Variants in DLC1 observed in about 807,000 individuals in gnomAD.
The protein encoded by DLC1 is rho GTPase-activating protein 7.
Under a neutral mutation model 140.3 loss-of-function variants are expected in DLC1, and 54 were observed. The observed-to-expected ratio is 0.38, with a 90% CI of 0.31 to 0.48. DLC1 has a LOEUF of 0.48. Ranked by LOEUF, DLC1 falls within the 20% of genes least tolerant of loss-of-function variation. The pLI, the probability that DLC1 is intolerant of heterozygous loss-of-function variation, is 0.96. For missense variants in DLC1, 2,536 were observed against 1,907.0 expected (o/e 1.33, Z -6.14); for synonymous variants, 986 against 728.1 (o/e 1.35, Z -5.70).
intron 2 of DLC1, among the ~76,000 whole-genome samples, chr8:13,444,246 A>G (rs1162385875): frequency 6.6e-6 from 1 of 152,156 alleles, no homozygotes; most frequent in Admixed American, 6.5e-5. Flanking sequence ...TGGGAGTTGA[A>G]CAATGAGAAC....
At chr8:13,571,383 G>C (rs576012063) in intron 1 of DLC1, among the ~76,000 whole-genome samples, 31 of 151,982 alleles carry the variant, frequency 2.0e-4, no homozygotes, top group Non-Finnish European at 3.8e-4. Context: ...CTCTCCCCCT[G>C]GTACCTGGTC....
chr8:13,260,678 G>A (rs984224866), intron 5 of DLC1, among the ~76,000 whole-genome samples: 6 of 152,164 alleles, frequency 3.9e-5, no homozygotes, highest in Non-Finnish European at 8.8e-5. Context: ...AAGGATAAAA[G>A]TGTAACTATT....
intron 5 of DLC1, among the ~76,000 whole-genome samples, chr8:13,230,026 C>T (rs1252628701): frequency 3.3e-5 from 5 of 152,190 alleles, no homozygotes; most frequent in Admixed American, 6.5e-5. Flanking sequence ...GCTTTGATCT[C>T]TTCTGTGGTA....
intron 1 of DLC1, among the ~76,000 whole-genome samples, chr8:13,535,503 A>G (rs575848687): frequency 5.5e-4 from 84 of 152,104 alleles, no homozygotes; most frequent in African/African-American, 2.0e-3. Flanking sequence ...AAATGTTGAC[A>G]AGGGCAAATT....
chr8:13,089,032 G>C (rs1817812083), intron 15 of DLC1, among the ~76,000 whole-genome samples: 1 of 152,106 alleles, frequency 6.6e-6, no homozygotes. Context: ...GCCGAGGCGG[G>C]TGGATCATCT....
At chr8:13,215,649 C>G (rs1315268896) in intron 5 of DLC1, among the ~76,000 whole-genome samples, 1 of 151,944 alleles carries the variant, frequency 6.6e-6, no homozygotes, top group African/African-American at 2.4e-5. Context: ...GTACATCCTA[C>G]TAGGGAAGCA....
At chr8:13,587,581 A>ATATATATATATATACATTGCATATATAT (rs1760027374) in intron 1 of DLC1, among the ~76,000 whole-genome samples, 2 of 132,076 alleles carry the variant, frequency 1.5e-5, no homozygotes, top group Non-Finnish European at 3.1e-5. Flanking sequence ...AGAGAGAGAA[A>ATATATATATATATACATTGCATATATAT]ATATATATAT....
At chr8:13,366,087 G>C (rs2117096080) in intron 4 of DLC1, among the ~76,000 whole-genome samples, 1 of 152,344 alleles carries the variant, frequency 6.6e-6, no homozygotes, top group Non-Finnish European at 1.5e-5. Context: ...AACAAGTGCT[G>C]CATAAAGACC....
At chr8:13,571,399 G>A (rs1027092563) in intron 1 of DLC1, among the ~76,000 whole-genome samples, 1 of 152,100 alleles carries the variant, frequency 6.6e-6, no homozygotes, top group Non-Finnish European at 1.5e-5. Flanking sequence ...TGGTCACCTC[G>A]AATGTACTTT....
At chr8:13,552,250 C>T in intron 1 of DLC1, among the ~76,000 whole-genome samples, 1 of 145,752 alleles carries the variant, frequency 6.9e-6, no homozygotes, top group African/African-American at 2.5e-5. Flanking sequence ...TACCCCCATA[C>T]CTGTCTACAT....
chr8:13,523,813 A>T lies in DLC1; in HGVS notation c.-125-23617T>A, dbSNP rs896805757. Among the ~76,000 whole-genome samples the T allele has an allele frequency of 2.0e-5, 3 of 152,130 alleles. No individual in the cohort carries two copies. In the East Asian group the frequency reaches 5.8e-4, roughly 29 times the overall value. Reference sequence around the variant, plus strand: ...TCTGGGACCGTGAGATGCTTTTATTAGGATGGAAGAATAACAGTATATTTG... The same window carrying T: ...TCTGGGACCGTGAGATGCTTTTATTTGGATGGAAGAATAACAGTATATTTG... On this transcript the variant is annotated intron_variant, in intron 1 of 1. Coordinates refer to the DLC1 transcript ENST00000631382.
chr8:13,300,306 T>C (rs192161553), intron 5 of DLC1, among the ~76,000 whole-genome samples: 1 of 151,946 alleles, frequency 6.6e-6, no homozygotes, highest in Admixed American at 6.6e-5. Context: ...GGGAGAACAT[T>C]AGAGAAAAGA....
intron 2 of DLC1, among the ~76,000 whole-genome samples, chr8:13,471,774 G>A (rs1800220965): frequency 6.6e-6 from 1 of 152,114 alleles, no homozygotes; most frequent in Non-Finnish European, 1.5e-5. Flanking sequence ...AAGAAAAGCA[G>A]CCTTTCAGCA....
intron 4 of DLC1, among the ~76,000 whole-genome samples, chr8:13,385,191 A>C (rs1412303981): frequency 1.3e-5 from 2 of 152,140 alleles, no homozygotes; most frequent in Non-Finnish European, 2.9e-5. Context: ...AATTTGGTAA[A>C]TGCTTATCTA....
chr8:13,362,565 C>T (rs545410550), intron 4 of DLC1, among the ~76,000 whole-genome samples: 14 of 151,832 alleles, frequency 9.2e-5, no homozygotes, highest in African/African-American at 3.4e-4. Context: ...CTGTTTCTTG[C>T]AATTCATAAT....
chr8:13,288,174 G>T (rs1216113198), intron 5 of DLC1, among the ~76,000 whole-genome samples: 1 of 152,126 alleles, frequency 6.6e-6, no homozygotes, highest in Non-Finnish European at 1.5e-5. Flanking sequence ...TTAAAAGTTT[G>T]TTGTCAATAG....
At chr8:13,361,018 C>G (rs950768358) in intron 4 of DLC1, among the ~76,000 whole-genome samples, 1 of 151,906 alleles carries the variant, frequency 6.6e-6, no homozygotes. Flanking sequence ...AATGTTTGAG[C>G]TCAGGAGTTC....
At chr8:13,212,686 A>G (rs1271660933) in intron 5 of DLC1, among the ~76,000 whole-genome samples, 1 of 152,160 alleles carries the variant, frequency 6.6e-6, no homozygotes, top group African/African-American at 2.4e-5. Flanking sequence ...AGTATTATTG[A>G]CGGTGCTTGT....
chr8:13,589,726 A>C (rs1805452272), intron 1 of DLC1, among the ~76,000 whole-genome samples: 2 of 151,030 alleles, frequency 1.3e-5, no homozygotes, highest in African/African-American at 4.9e-5. Context: ...GCTTTCATAC[A>C]CCAGTGGGAA....
Sources: gnomAD v4.1 joint callset for allele counts (sites outside exome capture counted in the v4.1 genomes callset) on GRCh38, gnomAD v4.1.1 for gene constraint, MANE v1.5 for transcripts, NCBI Gene and HGNC (gene_info 2026-07-23, HGNC 2026-07-21) for gene names.